The following DACH1 variants were observed in gnomAD, a reference collection of about 807,000 sequenced individuals.
The protein encoded by DACH1 is dachshund family transcription factor 1.
A neutral mutation model predicts 54.2 loss-of-function variants in DACH1; 12 were observed. That is an observed-to-expected ratio of 0.22 (90% confidence interval 0.14 to 0.36). The LOEUF is 0.36. DACH1 is among the 10% of genes least tolerant of loss of function. The pLI, the probability that DACH1 is intolerant of heterozygous loss-of-function variation, is 1.00. For synonymous variants in DACH1, 386 were observed against 366.2 expected (o/e 1.05, Z -0.62); for missense variants, 805 against 929.8 (o/e 0.87, Z 1.75).
intron 3 of DACH1, among the ~76,000 whole-genome samples, chr13:71,627,925 G>A (rs1195664756): frequency 3.3e-5 from 5 of 152,120 alleles, no homozygotes; most frequent in African/African-American, 1.2e-4. Context: ...GGACAGATTT[G>A]AAGAAATCAT....
At chr13:71,819,714 A>C (rs371684577) in intron 1 of DACH1, among the ~76,000 whole-genome samples, 7 of 152,206 alleles carry the variant, frequency 4.6e-5, no homozygotes, top group African/African-American at 1.7e-4. Context: ...AAGGAACATT[A>C]ATTTCTAACA....
At chr13:71,693,593 C>T (rs142427541) in intron 1 of DACH1, among the ~76,000 whole-genome samples, 1 of 150,818 alleles carries the variant, frequency 6.6e-6, no homozygotes, top group African/African-American at 2.4e-5. Flanking sequence ...GCTGGGATTA[C>T]AGGCGTGAGC....
chr13:71,692,351 T>C (rs1881530351), intron 1 of DACH1, among the ~76,000 whole-genome samples: 1 of 152,004 alleles, frequency 6.6e-6, no homozygotes, highest in African/African-American at 2.4e-5. Context: ...TCAAATCTTC[T>C]CTGTCTGTAC....
Position 71,578,530 on chromosome 13 carries a change from G to A in DACH1, c.1127-5518C>T, listed in dbSNP as rs531791065. Among the ~76,000 whole-genome samples, 15 of 152,170 alleles carry A rather than the reference G, an allele frequency of 9.9e-5. No homozygotes were observed. The South Asian group carries it at 2.1e-3, about 21-fold the overall frequency. On this transcript the variant is annotated intron_variant, in intron 3 of 10. Transcript: ENST00000613252. ...AATGCTACTATTTTGCATGAGTTGC[G>A]GAAACAGTCCTTTCATGAAAGTTAT... is the stretch of plus-strand genomic sequence containing the variant.
At chr13:71,722,719 G>A (rs1883283466) in intron 1 of DACH1, among the ~76,000 whole-genome samples, 1 of 152,154 alleles carries the variant, frequency 6.6e-6, no homozygotes, top group African/African-American at 2.4e-5. Flanking sequence ...AAAAGTTGAG[G>A]AAAGAGCTTT....
intron 3 of DACH1, among the ~76,000 whole-genome samples, chr13:71,586,033 C>T (rs922542016): frequency 6.6e-6 from 1 of 152,166 alleles, no homozygotes; most frequent in African/African-American, 2.4e-5. Flanking sequence ...ACTGCATACT[C>T]TACTCCATAT....
At chr13:71,813,309 A>T (rs1887790257) in intron 1 of DACH1, among the ~76,000 whole-genome samples, 1 of 152,192 alleles carries the variant, frequency 6.6e-6, no homozygotes, top group African/African-American at 2.4e-5. Context: ...GTTAGATACT[A>T]TTCTATGTTT....
intron 6 of DACH1, among the ~76,000 whole-genome samples, chr13:71,511,666 A>C (rs1880781681): frequency 6.6e-6 from 1 of 152,028 alleles, no homozygotes; most frequent in African/African-American, 2.4e-5. Flanking sequence ...CTTTTAAAAA[A>C]ATAAAATTTA....
chr13:71,813,874 A>G (rs570553141), intron 1 of DACH1, among the ~76,000 whole-genome samples: 2 of 152,328 alleles, frequency 1.3e-5, no homozygotes, highest in South Asian at 2.1e-4. Flanking sequence ...CAAAGCCTAA[A>G]GAGATGAAGA....
intron 1 of DACH1, among the ~76,000 whole-genome samples, chr13:71,709,219 T>A (rs1188097989): frequency 6.6e-6 from 1 of 152,118 alleles, no homozygotes; most frequent in East Asian, 1.9e-4. Flanking sequence ...TTTTAAAATA[T>A]CAATTCATCA....
intron 1 of DACH1, among the ~76,000 whole-genome samples, chr13:71,818,944 G>A (rs1888076502): frequency 6.6e-6 from 1 of 152,138 alleles, no homozygotes; most frequent in South Asian, 2.1e-4. Context: ...AATCCATCAA[G>A]GTCTCTATAG....
intron 3 of DACH1, among the ~76,000 whole-genome samples, chr13:71,585,110 G>A (rs2138443751): frequency 6.6e-6 from 1 of 152,120 alleles, no homozygotes; most frequent in South Asian, 2.1e-4. Flanking sequence ...TTTTGTGCCA[G>A]GCACTGTTGT....
intron 1 of DACH1, among the ~76,000 whole-genome samples, chr13:71,688,974 A>G (rs1476544532): frequency 6.6e-6 from 1 of 152,186 alleles, no homozygotes; most frequent in African/African-American, 2.4e-5. Flanking sequence ...CTATATTAAT[A>G]TGCATTACAA....
At chr13:71,619,268 A>ATGT (rs1876024525) in intron 3 of DACH1, among the ~76,000 whole-genome samples, 1 of 151,996 alleles carries the variant, frequency 6.6e-6, no homozygotes. Context: ...TATGTGTAAC[A>ATGT]AACACATTGA....
At chr13:71,688,731 A>C (rs1450488937) in intron 1 of DACH1, among the ~76,000 whole-genome samples, 1 of 152,236 alleles carries the variant, frequency 6.6e-6, no homozygotes, top group Non-Finnish European at 1.5e-5. Flanking sequence ...CACAAGCACA[A>C]AAGCACTCTC....
chr13:71,773,056 T>G (rs1392062639), intron 1 of DACH1, among the ~76,000 whole-genome samples: 2 of 151,796 alleles, frequency 1.3e-5, no homozygotes, highest in African/African-American at 4.8e-5. Context: ...GCTGCAATGA[T>G]TATCCCTAAT....
chr13:71,839,768 T>C (rs1486089628), intron 1 of DACH1, among the ~76,000 whole-genome samples: 5 of 152,184 alleles, frequency 3.3e-5, no homozygotes, highest in African/African-American at 7.2e-5. Flanking sequence ...GGATTATTTA[T>C]GTTCACTAAA....
intron 3 of DACH1, among the ~76,000 whole-genome samples, chr13:71,603,926 C>CG (rs538715739): frequency 3.2e-4 from 49 of 151,818 alleles, no homozygotes; most frequent in African/African-American, 1.2e-3. Context: ...AAGGGAATGT[C>CG]AGGGTAACTT....
At chr13:71,780,406 T>A (rs936702611) in intron 1 of DACH1, among the ~76,000 whole-genome samples, 10 of 152,192 alleles carry the variant, frequency 6.6e-5, no homozygotes, top group Non-Finnish European at 1.0e-4. Context: ...ACTTTATGTA[T>A]ATTTAGATTA....
Sources: gnomAD v4.1 joint callset for allele counts (sites outside exome capture counted in the v4.1 genomes callset) on GRCh38, gnomAD v4.1.1 for gene constraint, MANE v1.5 for transcripts, NCBI Gene and HGNC (gene_info 2026-07-23, HGNC 2026-07-21) for gene names.